The following MXRA5 variants were observed in gnomAD, a reference collection of about 807,000 sequenced individuals.
MXRA5 encodes matrix remodeling associated 5, also known as matrix-remodeling-associated protein 5.
A neutral mutation model predicts 112.5 loss-of-function variants in MXRA5; 41 were observed. The observed-to-expected ratio is 0.36, with a 90% CI of 0.28 to 0.47. The LOEUF (loss-of-function observed/expected upper bound fraction) is 0.47. MXRA5 is among the 20% of genes least tolerant of loss of function. MXRA5 has a pLI of 0.99. For missense variants in MXRA5, 2,150 were observed against 2,251.0 expected (o/e 0.96, Z 0.91); for synonymous variants, 862 against 900.8 (o/e 0.96, Z 0.77).
intron 2 of MXRA5, among the ~76,000 whole-genome samples, chrX:3,341,880 A>G (rs1415156120): frequency 1.9e-5 from 2 of 105,130 alleles, no homozygotes; most frequent in Non-Finnish European, 3.9e-5. Flanking sequence ...ATTCCTAGAC[A>G]GAGCCATTTT....
chrX:3,321,332 A>C lies in MXRA5; in HGVS notation c.4353T>G (p.Ala1451=), dbSNP rs757838984. The change falls in exon 5 of 7, where the codon GCT becomes GCG. Residue 1451 remains alanine, a synonymous_variant. Transcript: ENST00000217939. ...TTLSSIKVEV[A]SSQAETTTLD... is the part of the protein sequence containing the mutation. ...GGGTGGTGGTTTCTGCCTGACTTGA[A>C]GCCACCTCCACTTTTATGCTTGAGA... 1 of 1,211,687 alleles carries C rather than the reference A, an allele frequency of 8.3e-7. No homozygotes were observed. The highest frequency in any genetic ancestry group is 1.8e-5 in the South Asian group (1 of 57,005).
chrX:3,318,758 CA>C (rs772758115), intron 5 of MXRA5, among the ~76,000 whole-genome samples: 2 of 111,792 alleles, frequency 1.8e-5, no homozygotes, highest in South Asian at 7.6e-4. Flanking sequence ...GTGCTATTCA[CA>C]ATAGCCAAGA....
chrX:3,321,891 T>A lies in MXRA5; in HGVS notation c.3794A>T (p.His1265Leu), dbSNP rs1216179750. 1 of 1,211,250 alleles carries A rather than the reference T, an allele frequency of 8.3e-7. No individual in the cohort carries two copies. The highest frequency in any genetic ancestry group is 2.2e-5 in the Admixed American group (1 of 45,989). Reference sequence around the variant, plus strand: ...TGAACTGGGAGTAACAATGTTTCTATGTTTATTTTCTGGAGAAGGGCTGGG... The same window carrying A: ...TGAACTGGGAGTAACAATGTTTCTAAGTTTATTTTCTGGAGAAGGGCTGGG... Reference protein sequence around the residue: ...SKPSPSPENKHRNIVTPSSET... With the variant: ...SKPSPSPENKLRNIVTPSSET... The change falls in exon 5 of 7, where the codon CAT becomes CTT. Residue 1265 changes from histidine to leucine, a missense_variant. Around this residue, in one of 6 missense-constraint regions of MXRA5, gnomAD observed 1,485 missense variants for 1,471.6 expected, o/e 1.01. Coordinates refer to ENST00000217939, the MANE Select transcript of MXRA5 (RefSeq NM_015419.4).
At position 3,330,087 on chromosome X, in the gene MXRA5, A is replaced by G. The variant is rs759892995; in HGVS notation, c.640T>C (p.Leu214=). The G allele has an allele frequency of 1.7e-6, 2 of 1,211,087 alleles. No individual in the cohort carries two copies. Among genetic ancestry groups the G allele is most frequent in the Non-Finnish European group, 2.2e-6 (2 of 895,236 alleles). Residue 214 remains leucine (L), a synonymous_variant, in exon 4 of 7, where the codon TTG becomes CTG. Transcript: ENST00000217939. ...RNMPLLENLY[L]QGNPWTCDCE... ...TCGCAGGTCCACGGATTTCCCTGCA[A>G]GTAAAGATTCTCCAGAAGCGGCATG...
In MXRA5 at chrX:3,320,498, T is replaced by C. The variant is rs1443067214; in HGVS notation, c.5187A>G (p.Arg1729=). 1 of 1,209,136 alleles carries C rather than the reference T, an allele frequency of 8.3e-7. No individual in the cohort carries two copies. The highest frequency in any genetic ancestry group is 1.1e-6 in the Non-Finnish European group (1 of 894,776). Residue 1729 remains arginine, a synonymous_variant, in exon 5 of 7, where the codon AGA becomes AGG. Transcript: ENST00000217939. Reference sequence around the variant, plus strand: ...GAGTCTTGTTGGTAAAGAAAGGGAGTCTTCCATTGGAATAATGAGGAATTC... The same window carrying C: ...GAGTCTTGTTGGTAAAGAAAGGGAGCCTTCCATTGGAATAATGAGGAATTC... ...SPRIPHYSNG[R]LPFFTNKTLS... is the part of the protein sequence containing the mutation.
chrX:3,344,513 C>T (rs773208641), intron 1 of MXRA5, among the ~76,000 whole-genome samples: 3 of 110,995 alleles, frequency 2.7e-5, no homozygotes, highest in African/African-American at 9.8e-5. Context: ...TTGGGGGAAC[C>T]TCTGATCATT....
intron 2 of MXRA5, among the ~76,000 whole-genome samples, chrX:3,341,733 C>G (rs1486405743): frequency 1.1e-5 from 1 of 91,978 alleles, no homozygotes; most frequent in Admixed American, 1.5e-4. Context: ...CAACCCCAAG[C>G]TTTTTAGAGG....
At position 3,320,339 on chromosome X, in the gene MXRA5, A is replaced by G; in HGVS notation, c.5346T>C (p.Phe1782=). The G allele has an allele frequency of 1.7e-6, 2 of 1,212,086 alleles. No homozygotes were observed. Among genetic ancestry groups the G allele is most frequent in the South Asian group, 1.8e-5 (1 of 56,989 alleles). Residue 1782 remains phenylalanine (F), a synonymous_variant, in exon 5 of 7, where the codon TTT becomes TTC. Transcript: ENST00000217939. ...IHSHSTFHLD[F]GPPAPPLLHT... Reference sequence around the variant, plus strand: ...GCAACAACGGAGGTGCCGGAGGGCCAAAGTCCAGATGGAAGGTGCTATGGG... The same window carrying G: ...GCAACAACGGAGGTGCCGGAGGGCCGAAGTCCAGATGGAAGGTGCTATGGG...
At chrX:3,339,933 T>C (rs1443975644) in intron 2 of MXRA5, among the ~76,000 whole-genome samples, 1 of 112,082 alleles carries the variant, frequency 8.9e-6, no homozygotes, top group Non-Finnish European at 1.9e-5. Flanking sequence ...AGACAATATT[T>C]GCAAAATTAT....
intron 1 of MXRA5, among the ~76,000 whole-genome samples, chrX:3,344,261 G>A (rs1312819392): frequency 9.0e-6 from 1 of 111,365 alleles, no homozygotes; most frequent in Non-Finnish European, 1.9e-5. Context: ...ACAAGACTGA[G>A]CCATTATATA....
Position 3,317,617 on chromosome X carries a change from C to T in MXRA5, c.6064G>A (p.Val2022Ile), listed in dbSNP as rs140532419. 7.2e-5 allele frequency: 87 copies of T among 1,208,650 alleles called. No individual in the cohort carries two copies. The African/African-American group carries it at 1.4e-3, about 19-fold the overall frequency. ...GCATTGCTGGCCACGCACTTATAGA[C>T]GCCTCTGTCTGAGAAGGACGCCTCC... ...IKEASFSDRG[V>I]YKCVASNAAG... is the part of the protein sequence containing the mutation. Residue 2022 changes from valine (V) to isoleucine (I), a missense_variant, in exon 6 of 7, where the codon GTC (valine) becomes ATC (isoleucine). Physicochemically the swap from Val to Ile is conservative, Grantham distance 29. Transcript: ENST00000217939.
chrX:3,313,035 G>A (rs1367684579), intron 6 of MXRA5, among the ~76,000 whole-genome samples: 1 of 112,126 alleles, frequency 8.9e-6, no homozygotes, highest in Non-Finnish European at 1.9e-5. Flanking sequence ...AATGTAACTT[G>A]GTAAGGAATT....
chrX:3,322,485 A>G lies in MXRA5; in HGVS notation c.3200T>C (p.Leu1067Pro). The change falls in exon 5 of 7, where the codon CTA (leucine) becomes CCA (proline). Residue 1067 changes from leucine to proline, a missense_variant. Transcript: ENST00000217939. ...KKGMKEMSQT[L>P]QGGNMLEGDP... is the part of the protein sequence containing the mutation. ...TCCCTCTAGCATATTTCCTCCCTGTAGTGTCTGAGACATCTCTTTCATACC... is the reference window on the plus strand; with the variant it reads ...TCCCTCTAGCATATTTCCTCCCTGTGGTGTCTGAGACATCTCTTTCATACC... The G allele has an allele frequency of 8.3e-7, 1 of 1,211,294 alleles. No homozygotes were observed. The highest frequency in any genetic ancestry group is 1.1e-6 in the Non-Finnish European group (1 of 895,360).
chrX:3,338,950 ATAGATAGT>A (rs200082631), intron 2 of MXRA5, among the ~76,000 whole-genome samples: 8,481 of 84,453 alleles, frequency 0.1, 449 homozygotes, highest in African/African-American at 0.27. Flanking sequence ...TAGATAATAG[ATAGATAGT>A]TAGATAGATA....
At chrX:3,335,838 G>A (rs1441968843) in intron 2 of MXRA5, among the ~76,000 whole-genome samples, 4 of 112,337 alleles carry the variant, frequency 3.6e-5, no homozygotes, top group East Asian at 2.8e-4. Context: ...ACTACAAAAA[G>A]GAATGAAGCT....
At chrX:3,329,018 G>T (rs1921580212) in intron 4 of MXRA5, among the ~76,000 whole-genome samples, 1 of 102,177 alleles carries the variant, frequency 9.8e-6, no homozygotes, top group Admixed American at 1.1e-4. Context: ...GGGAGGGAAG[G>T]AGGGAATGAA....
At chrX:3,342,585 A>G (rs1922015415) in intron 2 of MXRA5, among the ~76,000 whole-genome samples, 2 of 112,079 alleles carry the variant, frequency 1.8e-5, no homozygotes, top group South Asian at 7.4e-4. Flanking sequence ...AAAGTCTAAC[A>G]GCATTTCATT....
intron 5 of MXRA5, among the ~76,000 whole-genome samples, chrX:3,318,207 C>T (rs143731139): frequency 0.025 from 2,783 of 111,541 alleles, 89 homozygotes; most frequent in African/African-American, 0.085. Context: ...GTCTCCCAGG[C>T]GAGAGTGCAG....
intron 4 of MXRA5, among the ~76,000 whole-genome samples, chrX:3,325,805 C>CATATATTTATAAATAAATATATAATA (rs769296141): frequency 0.033 from 2,520 of 76,664 alleles, 202 homozygotes; most frequent in African/African-American, 0.1. Flanking sequence ...TATAGATGTA[C>CATATATTTATAAATAAATATATAATA]ATATATTTAT....
Sources: gnomAD v4.1 joint callset for allele counts (sites outside exome capture counted in the v4.1 genomes callset) on GRCh38, gnomAD v4.1.1 for gene constraint, gnomAD v4.1.1 regional missense constraint, MANE v1.5 for transcripts, NCBI Gene and HGNC (gene_info 2026-07-23, HGNC 2026-07-21) for gene names.